Variants in ZNF667 observed in about 807,000 individuals in gnomAD.
ZNF667 encodes myocardial ischemic preconditioning upregulated 1 ortholog.
ZNF667 carries 13 observed loss-of-function variants against 31.8 expected under a neutral mutation model. The ratio of observed to expected loss-of-function variants is 0.41; its 90% CI spans 0.27 to 0.65. The LOEUF (loss-of-function observed/expected upper bound fraction) is 0.65, where lower values mean the gene tolerates loss of function less well. Among genes scored for constraint, ZNF667 ranks in the 30% least tolerant of loss-of-function variants. ZNF667 has a pLI of 0.32. For synonymous variants in ZNF667, 228 were observed against 247.1 expected (o/e 0.92, Z 0.73); for missense variants, 642 against 725.6 (o/e 0.88, Z 1.32).
intron 6 of ZNF667, among the ~76,000 whole-genome samples, chr19:56,451,306 G>T (rs942498192): frequency 2.0e-5 from 3 of 151,386 alleles, no homozygotes; most frequent in African/African-American, 7.3e-5. Context: ...CCCAACAATG[G>T]AGCACCGAGA....
intron 6 of ZNF667, among the ~76,000 whole-genome samples, chr19:56,456,793 G>A (rs2147756360): frequency 6.6e-6 from 1 of 152,150 alleles, no homozygotes; most frequent in East Asian, 1.9e-4. Context: ...AAATAAACAA[G>A]TAATCAGTGA....
chr19:56,459,148 C>T (rs1009820504), intron 5 of ZNF667, among the ~76,000 whole-genome samples: 4 of 152,050 alleles, frequency 2.6e-5, no homozygotes, highest in Admixed American at 6.5e-5. Flanking sequence ...TTAGAGTGTG[C>T]GGTGTTGAGT....
In ZNF667 at chr19:56,441,752, A is replaced by G. The variant is rs966855133; in HGVS notation, c.1243T>C (p.Phe415Leu). 6.2e-6 allele frequency: 10 copies of G among 1,613,980 alleles called. No individual in the cohort carries two copies. The highest frequency in any genetic ancestry group is 7.6e-6 in the Non-Finnish European group (9 of 1,180,026). ...ATCTTCCCACATTCCTTACACTCAA[A>G]TAGTTTCTTTTTCTTTGTATGAACT... is the stretch of plus-strand genomic sequence containing the variant. Reference protein sequence around the residue: ...QKVHTKKKKLFECKECGKMFS... With the variant: ...QKVHTKKKKLLECKECGKMFS... The change falls in exon 7 of 7, where the codon TTT (phenylalanine) becomes CTT (leucine). Residue 415 changes from phenylalanine (F) to leucine (L), a missense_variant. Coordinates refer to ENST00000504904, the MANE Select transcript of ZNF667 (RefSeq NM_001321356.2). The surrounding 1 kb of genome is among the most constrained non-coding windows in gnomAD (Gnocchi z 4.2).
At chr19:56,451,868 C>CAAAAAAAAAAAAAAAAAAAA (rs71184363) in intron 6 of ZNF667, among the ~76,000 whole-genome samples, 2 of 80,976 alleles carry the variant, frequency 2.5e-5, no homozygotes, top group African/African-American at 1.1e-4. Context: ...GACCCTGTCT[C>CAAAAAAAAAAAAAAAAAAAA]AAAAAAAAAA....
chr19:56,460,880 G>A, intron 4 of ZNF667, 65 bp from the exon 5 acceptor site: 3 of 1,474,310 alleles, frequency 2.0e-6, no homozygotes, highest in Non-Finnish European at 2.7e-6. Flanking sequence ...GGAGGAAATG[G>A]TGCACACATC....
chr19:56,471,482 A>G (rs928023891), intron 3 of ZNF667, among the ~76,000 whole-genome samples: 8 of 152,218 alleles, frequency 5.3e-5, no homozygotes, highest in Non-Finnish European at 7.3e-5. Context: ...ACAAAGCCCT[A>G]TTCTTTGCCT....
intron 5 of ZNF667, among the ~76,000 whole-genome samples, chr19:56,460,354 C>G (rs1303698192): frequency 6.6e-6 from 1 of 152,090 alleles, no homozygotes; most frequent in African/African-American, 2.4e-5. Flanking sequence ...GCAGGCACAA[C>G]CAGAGAGATA....
chr19:56,458,196 G>A lies in ZNF667; in HGVS notation c.212C>T (p.Ala71Val), dbSNP rs753497743. Residue 71 changes from alanine (A) to valine (V), a missense_variant, in exon 6 of 7, where the codon GCA (alanine) becomes GTA (valine). Physicochemically the swap from Ala to Val is moderately conservative, Grantham distance 64. Coordinates refer to ENST00000504904, the MANE Select transcript of ZNF667 (RefSeq NM_001321356.2). The part of the protein sequence containing the change: ...NVITLLEKGK[A>V]PWMVEPVRRR... ...TCTTACTGGCTCTACCATCCAGGGT[G>A]CTTTCCCTTTCTCCAATAAGGTGAT... 17 of 1,614,192 alleles carry A rather than the reference G, an allele frequency of 1.1e-5. No individual in the cohort carries two copies. In the South Asian group the frequency reaches 1.8e-4, roughly 17 times the overall value.
At chr19:56,457,446 C>A (rs2042957184) in intron 6 of ZNF667, among the ~76,000 whole-genome samples, 1 of 152,126 alleles carries the variant, frequency 6.6e-6, no homozygotes, top group Non-Finnish European at 1.5e-5. Context: ...TCTGCTGCTC[C>A]TTCCTAGCTG....
intron 3 of ZNF667, chr19:56,469,028 C>T (rs1418608847): frequency 6.6e-6 from 1 of 152,258 alleles, no homozygotes; most frequent in African/African-American, 2.4e-5. Context: ...GACCCTTCCA[C>T]TATTTCCTTC....
intron 6 of ZNF667, among the ~76,000 whole-genome samples, chr19:56,451,247 AAAAGGATCAATTCAGC>A (rs1357472187): frequency 6.6e-6 from 1 of 152,224 alleles, no homozygotes; most frequent in East Asian, 1.9e-4. Context: ...ATATAATGCT[AAAAGGATCAATTCAGC>A]AAAGGGATAT....
Position 56,440,638 on chromosome 19 carries a change from TA to T in ZNF667, c.*523del. ...AACTATGCTGGAAGTAAAATATCGG[TA>T]ATTTTTTTTTTTTTTGACACAGAGT... is the stretch of plus-strand genomic sequence containing the variant. On this transcript the variant is annotated 3_prime_UTR_variant, in exon 7 of 7. Coordinates refer to ENST00000504904, the MANE Select transcript of ZNF667 (RefSeq NM_001321356.2). 3.4e-6 allele frequency: 3 copies of T among 888,316 alleles called. No individual in the cohort carries two copies. The highest frequency in any genetic ancestry group is 4.6e-5 in the African/African-American group (2 of 43,850). The allele number at this position is 888,316 out of a possible 1,614,324, so 55.0% of individuals were successfully genotyped here.
At chr19:56,467,771 C>G (rs374992747) in intron 3 of ZNF667, 3 of 152,204 alleles carry the variant, frequency 2.0e-5, no homozygotes, top group Admixed American at 6.5e-5. Context: ...CCGAAGAATA[C>G]AGAGAAAGAA....
intron 4 of ZNF667, 89 bp from the exon 5 acceptor site, chr19:56,460,904 A>T: frequency 7.5e-7 from 1 of 1,335,970 alleles, no homozygotes; most frequent in Non-Finnish European, 9.9e-7. Context: ...AACATGGGAG[A>T]CACAAGGTAC....
chr19:56,460,579 A>G, intron 5 of ZNF667, 110 bp downstream of exon 5: 1 of 1,230,018 alleles, frequency 8.1e-7, no homozygotes. Flanking sequence ...ATCTCAATAA[A>G]GCTCTTTTAA....
intron 3 of ZNF667, among the ~76,000 whole-genome samples, chr19:56,463,294 G>A (rs2043090042): frequency 6.6e-6 from 1 of 152,146 alleles, no homozygotes; most frequent in African/African-American, 2.4e-5. Context: ...GGACTCACTA[G>A]GTAGCTTTGC....
intron 6 of ZNF667, among the ~76,000 whole-genome samples, chr19:56,457,061 G>A (rs1444450730): frequency 6.6e-6 from 1 of 151,978 alleles, no homozygotes; most frequent in Non-Finnish European, 1.5e-5. Flanking sequence ...CCAAAATGTT[G>A]ATCCCTAGCT....
chr19:56,458,397 T>C (rs2042977694), intron 5 of ZNF667, 150 bp from the exon 6 acceptor site: 5 of 656,978 alleles, frequency 7.6e-6, no homozygotes, highest in Non-Finnish European at 1.4e-5. Flanking sequence ...AGTGTGATAT[T>C]GTGATTTATA....
At position 56,442,179 on chromosome 19, in the gene ZNF667, C is replaced by T. The variant is rs2147659898; in HGVS notation, c.816G>A (p.Lys272=). The part of the protein sequence containing the change: ...FNQMSSLLLH[K]KIHNGKKTHK... ...GTGTTTTCTTTCCATTGTGAATTTT[C>T]TTATGAAGTAAAAGGGATGACATCT... is the stretch of plus-strand genomic sequence containing the variant. The change falls in exon 7 of 7, where the codon AAG becomes AAA. Residue 272 remains lysine, a synonymous_variant. Transcript: ENST00000504904. The T allele has an allele frequency of 6.2e-7, 1 of 1,613,666 alleles. No homozygotes were observed. The highest frequency in any genetic ancestry group is 8.5e-7 in the Non-Finnish European group (1 of 1,179,904).
Sources: gnomAD v4.1 joint callset for allele counts (sites outside exome capture counted in the v4.1 genomes callset) on GRCh38, gnomAD v4.1.1 for gene constraint, Gnocchi (gnomAD v3.1) non-coding constraint, MANE v1.5 for transcripts, NCBI Gene and HGNC (gene_info 2026-07-23, HGNC 2026-07-21) for gene names.